Variants in PDZD2 observed in about 807,000 individuals in gnomAD.
The protein encoded by PDZD2 is PDZ domain containing 2.
Under a neutral mutation model 220.7 loss-of-function variants are expected in PDZD2, and 90 were observed. The observed-to-expected ratio is 0.41, with a 90% CI of 0.34 to 0.49. The LOEUF (loss-of-function observed/expected upper bound fraction) is 0.49, where lower values mean the gene tolerates loss of function less well. PDZD2 is among the 20% of genes least tolerant of loss of function. The pLI is 0.28. For missense variants in PDZD2, 3,174 were observed against 3,608.5 expected, an observed-to-expected ratio of 0.88 and a Z score of 3.08; for synonymous variants, 1,375 against 1,450.5, an observed-to-expected ratio of 0.95 and a Z score of 1.18.
At chr5:31,830,317 C>G (rs1756492811) in intron 2 of PDZD2, among the ~76,000 whole-genome samples, 1 of 147,920 alleles carries the variant, frequency 6.8e-6, no homozygotes, top group Non-Finnish European at 1.5e-5. Context: ...AGGCGCCCAC[C>G]ACCACGCCCA....
chr5:31,926,719 A>G (rs1217779559), intron 2 of PDZD2, among the ~76,000 whole-genome samples: 2 of 152,150 alleles, frequency 1.3e-5, no homozygotes, highest in Admixed American at 6.5e-5. Flanking sequence ...TATACTAGGT[A>G]TATACCTGAA....
chr5:31,930,298 C>T (rs13182870), intron 2 of PDZD2, among the ~76,000 whole-genome samples: 22,635 of 150,096 alleles, frequency 0.15, 1,817 homozygotes, highest in South Asian at 0.24. Flanking sequence ...CTCTGCCTCC[C>T]GGGTTCACGC....
chr5:31,914,923 C>G (rs549199021), intron 2 of PDZD2, among the ~76,000 whole-genome samples: 1 of 152,246 alleles, frequency 6.6e-6, no homozygotes, highest in East Asian at 1.9e-4. Flanking sequence ...TACAGTGAGC[C>G]TGGCGGGGAC....
chr5:31,917,136 G>A (rs11957407), intron 2 of PDZD2, among the ~76,000 whole-genome samples: 1,746 of 152,300 alleles, frequency 0.011, 19 homozygotes, highest in Non-Finnish European at 0.015. Flanking sequence ...CCACATTCAG[G>A]AGTTTGCACT....
At chr5:32,075,938 A>G (rs1741243837) in intron 18 of PDZD2, among the ~76,000 whole-genome samples, 1 of 152,110 alleles carries the variant, frequency 6.6e-6, no homozygotes, top group East Asian at 1.9e-4. Context: ...TTTACCTCCA[A>G]CCACTACCTG....
intron 12 of PDZD2, 126 bp downstream of exon 12, chr5:32,058,229 G>A (rs1007966175): frequency 4.6e-6 from 3 of 653,462 alleles, no homozygotes; most frequent in Non-Finnish European, 8.3e-6. Context: ...TCAACAACAC[G>A]TGGTCTCTGC....
chr5:31,827,253 G>A (rs1364994566), intron 2 of PDZD2, among the ~76,000 whole-genome samples: 1 of 152,074 alleles, frequency 6.6e-6, no homozygotes, highest in Non-Finnish European at 1.5e-5. Context: ...TGCATATTGG[G>A]GAAATACTCT....
intron 1 of PDZD2, among the ~76,000 whole-genome samples, chr5:31,787,106 A>T (rs886273872): frequency 6.6e-6 from 1 of 152,250 alleles, no homozygotes; most frequent in Non-Finnish European, 1.5e-5. Context: ...CCACATGGAC[A>T]GGATGATCAG....
At chr5:31,717,550 CTTAACCTCCCCA>C (rs150690883) in intron 1 of PDZD2, among the ~76,000 whole-genome samples, 3,105 of 152,304 alleles carry the variant, frequency 0.02, 119 homozygotes, top group African/African-American at 0.071. Flanking sequence ...CTCCCTCCCC[CTTAACCTCCCCA>C]GCCTTCAAGT....
At chr5:32,085,102 A>C (rs938993476) in intron 19 of PDZD2, among the ~76,000 whole-genome samples, 1 of 151,028 alleles carries the variant, frequency 6.6e-6, no homozygotes, top group Non-Finnish European at 1.5e-5. Flanking sequence ...TTACAGGTGC[A>C]TGCCACCATG....
chr5:31,665,878 C>T (rs557783035), intron 1 of PDZD2, among the ~76,000 whole-genome samples: 22 of 152,282 alleles, frequency 1.4e-4, no homozygotes, highest in East Asian at 1.2e-3. Context: ...GTTTTACACA[C>T]ATAAACTTCA....
Position 31,997,155 on chromosome 5 carries a change from C to T in PDZD2, c.1121+1437C>T, listed in dbSNP as rs1159786612. 4.6e-5 allele frequency among the ~76,000 whole-genome samples: 7 copies of T among 152,206 alleles called. No homozygotes were observed. The East Asian group carries it at 1.2e-3, about 25-fold the overall frequency. The stretch of plus-strand genomic sequence containing the variant: ...ATAAAAGGAGAGTTTCGTTGATAAG[C>T]GAGTTGATCATCTTTTATCTAGTCC... On this transcript the variant is annotated intron_variant, in intron 4 of 24. Coordinates refer to ENST00000438447, the MANE Select transcript of PDZD2 (RefSeq NM_178140.4).
chr5:32,073,679 A>G (rs1006398428), intron 17 of PDZD2, among the ~76,000 whole-genome samples, 153 bp from the exon 18 acceptor site: 4 of 152,068 alleles, frequency 2.6e-5, no homozygotes, highest in African/African-American at 9.7e-5. Flanking sequence ...CCAGGAAGCC[A>G]TGTTGCCTAG....
At chr5:32,049,335 G>A (rs957669339) in intron 8 of PDZD2, among the ~76,000 whole-genome samples, 2 of 152,220 alleles carry the variant, frequency 1.3e-5, no homozygotes, top group African/African-American at 2.4e-5. Context: ...TGAGAAACCT[G>A]TGGGGTATTC....
intron 1 of PDZD2, among the ~76,000 whole-genome samples, chr5:31,730,620 G>C (rs1286196407): frequency 6.7e-6 from 1 of 149,806 alleles, no homozygotes; most frequent in Admixed American, 6.7e-5. Flanking sequence ...TAAGGGAGTT[G>C]GGGTGGAGGA....
chr5:31,822,995 G>T, intron 2 of PDZD2: 1 of 1,189,560 alleles, frequency 8.4e-7, no homozygotes. Flanking sequence ...TTCTTTCCGA[G>T]AAGACTGAGT....
At chr5:31,912,372 G>A (rs1219785181) in intron 2 of PDZD2, among the ~76,000 whole-genome samples, 1 of 152,088 alleles carries the variant, frequency 6.6e-6, no homozygotes, top group African/African-American at 2.4e-5. Context: ...GCTTCCCAAA[G>A]GCCCCACCTC....
intron 1 of PDZD2, among the ~76,000 whole-genome samples, chr5:31,649,037 G>A (rs1475736082): frequency 6.6e-6 from 1 of 152,066 alleles, no homozygotes; most frequent in African/African-American, 2.4e-5. Flanking sequence ...CCAACCCAGA[G>A]GGGTTTTTTT....
intron 19 of PDZD2, among the ~76,000 whole-genome samples, chr5:32,084,948 CTTTTTTTTTTTT>C (rs745430355): frequency 9.5e-5 from 9 of 94,474 alleles, no homozygotes; most frequent in Admixed American, 2.5e-4. Context: ...ATTCTGTTGC[CTTTTTTTTTTTT>C]TTTTTTTTTT....
Sources: allele counts gnomAD v4.1 joint callset (sites outside exome capture counted in the v4.1 genomes callset), GRCh38; gene constraint gnomAD v4.1.1; transcripts MANE v1.5; gene names NCBI Gene and HGNC (gene_info 2026-07-23, HGNC 2026-07-21).